EFL1: variants seen among roughly 807,000 people sequenced by gnomAD.
EFL1 encodes the protein elongation factor like GTPase 1, also known as elongation factor-like GTPase 1.
In EFL1, 76 loss-of-function variants were observed where a neutral mutation model predicts 126.7. That is an observed-to-expected ratio of 0.60 (90% confidence interval 0.50 to 0.73). EFL1 has a LOEUF of 0.73. EFL1 is among the 30% of genes least tolerant of loss of function. The probability of loss-of-function intolerance (pLI) is 0.00; values close to 1 mark genes in which losing one functional copy is unlikely to be tolerated. For synonymous variants in EFL1, 410 were observed against 448.4 expected, an observed-to-expected ratio of 0.91 and a Z score of 1.08; for missense variants, 1,128 against 1,343.2, an observed-to-expected ratio of 0.84 and a Z score of 2.50.
chr15:82,206,476 C>T (rs1454049266), intron 15 of EFL1, among the ~76,000 whole-genome samples: 1 of 152,002 alleles, frequency 6.6e-6, no homozygotes, highest in African/African-American at 2.4e-5. Context: ...ATTATGGGAT[C>T]AAGGAAAGTT....
intron 18 of EFL1, among the ~76,000 whole-genome samples, chr15:82,145,262 C>T (rs1034600647): frequency 1.4e-5 from 2 of 146,278 alleles, no homozygotes; most frequent in Non-Finnish European, 3.0e-5. Flanking sequence ...GAGATTGCAC[C>T]GTTGCACTCC....
intron 7 of EFL1, among the ~76,000 whole-genome samples, chr15:82,232,345 T>G (rs754607613): frequency 2.6e-5 from 4 of 152,230 alleles, no homozygotes; most frequent in Non-Finnish European, 5.9e-5. Context: ...ACATTTTCTT[T>G]CTTTTAAATT....
chr15:82,235,256 A>G (rs757881023), intron 7 of EFL1, among the ~76,000 whole-genome samples: 6 of 152,222 alleles, frequency 3.9e-5, no homozygotes, highest in Non-Finnish European at 7.4e-5. Flanking sequence ...AATTTGGTGA[A>G]ATAATTTAAA....
chr15:82,156,041 AGT>A (rs1349784202), intron 17 of EFL1, among the ~76,000 whole-genome samples: 6 of 152,308 alleles, frequency 3.9e-5, no homozygotes, highest in East Asian at 1.9e-4. Flanking sequence ...TTATCTTAAT[AGT>A]GTCTTTTGAT....
At chr15:82,169,819 G>T (rs911194592) in intron 15 of EFL1, among the ~76,000 whole-genome samples, 2 of 152,074 alleles carry the variant, frequency 1.3e-5, no homozygotes, top group African/African-American at 4.8e-5. Context: ...TAACGGCAAG[G>T]ACCAAAATAG....
At chr15:82,219,282 G>C (rs1438321094) in intron 14 of EFL1, among the ~76,000 whole-genome samples, 3 of 152,046 alleles carry the variant, frequency 2.0e-5, no homozygotes. Context: ...CCACACCTTT[G>C]GCCTAAGCCA....
At chr15:82,191,587 C>CAGAA (rs1214187835) in intron 15 of EFL1, among the ~76,000 whole-genome samples, 1 of 149,618 alleles carries the variant, frequency 6.7e-6, no homozygotes, top group African/African-American at 2.5e-5. Context: ...TGGATGAGGG[C>CAGAA]AAGCACTCAT....
chr15:82,142,286 C>T (rs1567038257), intron 18 of EFL1, among the ~76,000 whole-genome samples: 1 of 152,130 alleles, frequency 6.6e-6, no homozygotes. Flanking sequence ...GGGAGGAACG[C>T]TTGAGACCAG....
intron 9 of EFL1, 32 bp from the exon 10 acceptor site, chr15:82,228,359 T>A: frequency 6.2e-7 from 1 of 1,604,446 alleles, no homozygotes; most frequent in Non-Finnish European, 8.5e-7. Context: ...AGAGGGGAAA[T>A]GTCATATGCA....
chr15:82,156,081 C>T (rs752832409), intron 17 of EFL1, among the ~76,000 whole-genome samples: 12 of 152,186 alleles, frequency 7.9e-5, no homozygotes, highest in Admixed American at 2.6e-4. Context: ...GTCATTAGTG[C>T]TCTTAACATG....
chr15:82,151,502 C>T lies in EFL1; in HGVS notation c.2952G>A (p.Met984Ile). The T allele has an allele frequency of 6.2e-7, 1 of 1,613,764 alleles. No homozygotes were observed. The highest frequency in any genetic ancestry group is 8.5e-7 in the Non-Finnish European group (1 of 1,179,856). Residue 984 changes from methionine to isoleucine, a missense_variant, in exon 18 of 20, where the codon ATG becomes ATA. Physicochemically the swap from Met to Ile is conservative, Grantham distance 10. Transcript: ENST00000268206. ...CAGTGGCCATGATGTCACATGTGTA[C>T]ATAGCTGCCATCAGGCGCTGAGGTT... Reference protein sequence around the residue: ...QVKPQRLMAAMYTCDIMATGD... With the variant: ...QVKPQRLMAAIYTCDIMATGD...
chr15:82,244,158 G>T (rs1481502124), intron 4 of EFL1, among the ~76,000 whole-genome samples: 3 of 151,832 alleles, frequency 2.0e-5, no homozygotes, highest in East Asian at 3.9e-4. Flanking sequence ...TCCAAACAAC[G>T]TTAACCTAAA....
chr15:82,185,972 G>A (rs1317476074), intron 15 of EFL1, among the ~76,000 whole-genome samples: 1 of 151,872 alleles, frequency 6.6e-6, no homozygotes, highest in Non-Finnish European at 1.5e-5. Flanking sequence ...TTTAACTATT[G>A]TACTCATCTT....
At position 82,152,177 on chromosome 15, in the gene EFL1, T is replaced by C; in HGVS notation, c.2277A>G (p.Pro759=). The C allele has an allele frequency of 1.2e-6, 2 of 1,614,208 alleles. No homozygotes were observed. Among genetic ancestry groups the C allele is most frequent in the Non-Finnish European group, 1.7e-6 (2 of 1,180,036 alleles). The change falls in exon 18 of 20, where the codon CCA becomes CCG. Residue 759 remains proline, a synonymous_variant. Coordinates refer to ENST00000268206, the MANE Select transcript of EFL1 (RefSeq NM_024580.6). Reference sequence around the variant, plus strand: ...CTTCCAGAATCTGGGTGACTTCTTCTGGAAGGGGCATGGCTCGAACACTGA... The same window carrying C: ...CTTCCAGAATCTGGGTGACTTCTTCCGGAAGGGGCATGGCTCGAACACTGA... ...ATLSVRAMPL[P]EEVTQILEEN...
At chr15:82,138,904 C>G in intron 18 of EFL1, 62 bp from the exon 19 acceptor site, 1 of 1,460,568 alleles carries the variant, frequency 6.8e-7, no homozygotes, top group Non-Finnish European at 9.4e-7. Context: ...CACACCAAGA[C>G]ATGATTACCC....
chr15:82,234,480 T>C (rs1287567332), intron 7 of EFL1, among the ~76,000 whole-genome samples: 1 of 152,154 alleles, frequency 6.6e-6, no homozygotes, highest in Non-Finnish European at 1.5e-5. Context: ...TCAATTTATT[T>C]AGCTCTAGTA....
rs139302502 is a variant in EFL1, at chr15:82,261,905, C to G, written c.-19-108G>C. 1,126 of 744,866 alleles carry G rather than the reference C, an allele frequency of 1.5e-3. 21 individuals are homozygous for G. In the East Asian group the frequency reaches 0.026, roughly 17 times the overall value. The allele number at this position is 744,866 out of a possible 1,614,324, so 46.1% of individuals were successfully genotyped here. ...TGGCAAGCTTCTCAAACCCCTTAAA[C>G]CAAGAACCCAGTGAATGTTTATTGA... On this transcript the variant is annotated intron_variant, in intron 1 of 19. Coordinates refer to ENST00000268206, the MANE Select transcript of EFL1 (RefSeq NM_024580.6).
At chr15:82,220,275 T>G (rs1296869586) in intron 12 of EFL1, 46 bp from the exon 13 acceptor site, 1 of 1,528,204 alleles carries the variant, frequency 6.5e-7, no homozygotes, top group South Asian at 1.3e-5. Flanking sequence ...TTCATCCAAG[T>G]AGGGAAACAG....
At chr15:82,213,237 A>G (rs1265309789) in intron 15 of EFL1, among the ~76,000 whole-genome samples, 1 of 152,238 alleles carries the variant, frequency 6.6e-6, no homozygotes, top group Non-Finnish European at 1.5e-5. Flanking sequence ...TTTGGTAAAC[A>G]AAGATTTAGT....
Sources: gnomAD v4.1 joint callset for allele counts (sites outside exome capture counted in the v4.1 genomes callset) on GRCh38, gnomAD v4.1.1 for gene constraint, MANE v1.5 for transcripts, NCBI Gene and HGNC (gene_info 2026-07-23, HGNC 2026-07-21) for gene names.